Variants in LARGE1 observed in about 807,000 individuals in gnomAD.
LARGE1 encodes the protein xylosyl- and glucuronyltransferase LARGE1.
Under a neutral mutation model 87.6 loss-of-function variants are expected in LARGE1, and 43 were observed. The observed-to-expected ratio is 0.49, with a 90% CI of 0.38 to 0.63. The LOEUF is 0.63. Ranked by LOEUF, LARGE1 falls within the 30% of genes least tolerant of loss-of-function variation. The pLI is 0.00. For synonymous variants in LARGE1, 434 were observed against 394.6 expected (o/e 1.10, Z -1.18); for missense variants, 802 against 1,000.2 (o/e 0.80, Z 2.67).
At chr22:33,840,222 C>G (rs2063237880) in intron 1 of LARGE1, among the ~76,000 whole-genome samples, 1 of 151,948 alleles carries the variant, frequency 6.6e-6, no homozygotes, top group Admixed American at 6.6e-5. Context: ...AAATCGGCAC[C>G]CCCTCAAGAA....
intron 2 of LARGE1, among the ~76,000 whole-genome samples, chr22:33,653,676 G>C (rs934526196): frequency 6.6e-6 from 1 of 152,208 alleles, no homozygotes; most frequent in Non-Finnish European, 1.5e-5. Context: ...CTTGGCATCA[G>C]TGAGTTCCTG....
At chr22:33,604,192 C>A (rs769350273) in intron 5 of LARGE1, among the ~76,000 whole-genome samples, 18 of 152,192 alleles carry the variant, frequency 1.2e-4, no homozygotes, top group Non-Finnish European at 2.2e-4. Flanking sequence ...CCAATGCTCT[C>A]CAGCGTCTCC....
intron 1 of LARGE1, among the ~76,000 whole-genome samples, chr22:33,779,552 G>A (rs996245537): frequency 1.1e-4 from 17 of 152,166 alleles, no homozygotes; most frequent in African/African-American, 4.1e-4. Flanking sequence ...GGCGGAGGTG[G>A]GTGGATCACC....
chr22:33,229,591 A>T (rs955277325), intron 11 of LARGE1, among the ~76,000 whole-genome samples: 2 of 152,170 alleles, frequency 1.3e-5, no homozygotes, highest in Non-Finnish European at 2.9e-5. Context: ...ATAAAGTAGA[A>T]TTTAGAGCTT....
In LARGE1 at chr22:33,748,024, C is replaced by CAAAAAAAAAAAAAAAA. The variant is rs535230421; in HGVS notation, c.106+13331_106+13346dup. Among the ~76,000 whole-genome samples, 2 of 21,736 alleles carry CAAAAAAAAAAAAAAAA rather than the reference C, an allele frequency of 9.2e-5. 1 individual carries two copies. Among genetic ancestry groups the CAAAAAAAAAAAAAAAA allele is most frequent in the African/African-American group, 2.2e-4 (2 of 9,090 alleles). 14.3% of individuals were successfully genotyped at this position (21,736 alleles called of 152,430 possible). ...GGGCACTGTGTGCCCTCTGCTGGAG[C>CAAAAAAAAAAAAAAAA]AAAAAAAAAAAAAAAAAAAAAAAAA... is the stretch of plus-strand genomic sequence containing the variant. On this transcript the variant is annotated intron_variant, in intron 2 of 14. Coordinates refer to ENST00000397394, the MANE Select transcript of LARGE1 (RefSeq NM_133642.5).
At chr22:33,890,009 G>C (rs1029264989) in intron 1 of LARGE1, among the ~76,000 whole-genome samples, 1 of 152,224 alleles carries the variant, frequency 6.6e-6, no homozygotes, top group Admixed American at 6.5e-5. Context: ...CCCCCCATAA[G>C]TGGGGAGCCA....
intron 11 of LARGE1, among the ~76,000 whole-genome samples, chr22:33,227,531 G>A (rs975508335): frequency 6.6e-6 from 1 of 152,098 alleles, no homozygotes; most frequent in African/African-American, 2.4e-5. Flanking sequence ...CTACAAGTGG[G>A]GAAACTGAGG....
intron 2 of LARGE1, among the ~76,000 whole-genome samples, chr22:33,708,168 A>G (rs7289081): frequency 0.017 from 2,531 of 152,164 alleles, 83 homozygotes; most frequent in African/African-American, 0.057. Context: ...AGTGTTTTCA[A>G]CCAAGCTTGG....
At chr22:33,721,958 A>C (rs1019631245) in intron 2 of LARGE1, among the ~76,000 whole-genome samples, 1 of 152,138 alleles carries the variant, frequency 6.6e-6, no homozygotes, top group African/African-American at 2.4e-5. Flanking sequence ...TTGGGTAAAA[A>C]ATTACTTTGT....
intron 6 of LARGE1, among the ~76,000 whole-genome samples, chr22:33,541,063 GGGGGC>G: frequency 1.0e-5 from 1 of 99,512 alleles, no homozygotes; most frequent in Non-Finnish European, 2.1e-5. Context: ...GCGGGGGGGG[GGGGGC>G]GGGGGGCGGG....
intron 3 of LARGE1, among the ~76,000 whole-genome samples, chr22:33,637,624 C>G (rs1420570018): frequency 6.6e-6 from 1 of 152,076 alleles, no homozygotes; most frequent in Non-Finnish European, 1.5e-5. Flanking sequence ...AACTGCTTAC[C>G]CTGGGAAAAG....
In LARGE1 at chr22:33,821,587, C is replaced by A. The variant is rs113125807; in HGVS notation, c.-82-60029G>T. On this transcript the variant is annotated intron_variant, in intron 1 of 14. Transcript: ENST00000397394. ...TCTCTCCACCAGCCTGCGTAAAGAG[C>A]GTCTAAGAGCATGCCGAGAAGGGGA... 2.6e-5 allele frequency among the ~76,000 whole-genome samples: 4 copies of A among 152,282 alleles called. No homozygotes were observed. The East Asian group carries it at 7.7e-4, about 29-fold the overall frequency.
chr22:33,264,872 T>C (rs1927838134), intron 11 of LARGE1, among the ~76,000 whole-genome samples: 1 of 149,566 alleles, frequency 6.7e-6, no homozygotes, highest in Non-Finnish European at 1.5e-5. Context: ...CTCTCCCCTT[T>C]GACATCTGAT....
At chr22:33,259,337 C>T (rs1181732066) in intron 11 of LARGE1, among the ~76,000 whole-genome samples, 1 of 149,778 alleles carries the variant, frequency 6.7e-6, no homozygotes, top group African/African-American at 2.5e-5. Context: ...CACACACACA[C>T]ACACACACAC....
chr22:33,592,181 A>C (rs1457918622), intron 5 of LARGE1, among the ~76,000 whole-genome samples: 1 of 151,984 alleles, frequency 6.6e-6, no homozygotes, highest in Non-Finnish European at 1.5e-5. Flanking sequence ...GTTTTCCTCT[A>C]TAAGTTCTAC....
chr22:33,563,566 A>C (rs2148775453), intron 6 of LARGE1, among the ~76,000 whole-genome samples: 1 of 152,348 alleles, frequency 6.6e-6, no homozygotes, highest in South Asian at 2.1e-4. Context: ...CGATAGGGGA[A>C]CTTGAAAAGA....
At chr22:33,861,074 G>A (rs974915326) in intron 1 of LARGE1, among the ~76,000 whole-genome samples, 2 of 152,076 alleles carry the variant, frequency 1.3e-5, no homozygotes, top group Non-Finnish European at 2.9e-5. Flanking sequence ...AAGCGGCATC[G>A]CCCAGGCAGC....
chr22:33,269,921 T>C (rs553466428), downstream of LARGE1, among the ~76,000 whole-genome samples: 259 of 150,430 alleles, frequency 1.7e-3, no homozygotes, highest in Non-Finnish European at 2.9e-3. Context: ...AGGAGAATGG[T>C]GTGAACCTGG....
intron 11 of LARGE1, among the ~76,000 whole-genome samples, chr22:33,176,450 A>ACAAT (rs1922876015): frequency 1.3e-5 from 2 of 152,180 alleles, no homozygotes; most frequent in Non-Finnish European, 2.9e-5. Flanking sequence ...ATTTAAACAA[A>ACAAT]TTTACAAGAA....
Sources: gnomAD v4.1 joint callset for allele counts (sites outside exome capture counted in the v4.1 genomes callset) on GRCh38, gnomAD v4.1.1 for gene constraint, MANE v1.5 for transcripts, NCBI Gene and HGNC (gene_info 2026-07-23, HGNC 2026-07-21) for gene names.